Variants in PDCD7 observed in about 807,000 individuals in gnomAD.
PDCD7 encodes the protein programmed cell death protein 7.
A neutral mutation model predicts 42.1 loss-of-function variants in PDCD7; 40 were observed. The ratio of observed to expected loss-of-function variants is 0.95; its 90% CI spans 0.74 to 1.24. PDCD7 has a LOEUF of 1.24. PDCD7 is among the 50% of genes most tolerant of loss of function. The pLI is 0.00. For missense variants in PDCD7, 644 were observed against 662.8 expected (o/e 0.97, Z 0.31); for synonymous variants, 299 against 303.3 (o/e 0.99, Z 0.15).
At chr15:65,127,386 A>G (rs965830417) in intron 2 of PDCD7, among the ~76,000 whole-genome samples, 5 of 150,096 alleles carry the variant, frequency 3.3e-5, no homozygotes, top group Non-Finnish European at 7.4e-5. Context: ...GAACCCGGGA[A>G]GCGGAGCTTG....
chr15:65,133,578 C>A lies in PDCD7; in HGVS notation c.204G>T (p.Ala68=), dbSNP rs986728100. The part of the protein sequence containing the change: ...PPLALQPRAS[A]EASRGGGGAG... The stretch of plus-strand genomic sequence containing the variant: ...CGCCGCCTCCGCCGCGGGAGGCCTC[C>A]GCGGAGGCTCGGGGCTGCAGAGCCA... The change falls in exon 1 of 5, where the codon GCG becomes GCT. Residue 68 remains alanine (A), a synonymous_variant. Coordinates refer to ENST00000204549, the MANE Select transcript of PDCD7 (RefSeq NM_005707.2). The A allele has an allele frequency of 8.1e-6, 10 of 1,231,598 alleles. No individual in the cohort carries two copies. In the African/African-American group the frequency reaches 9.3e-5, roughly 11 times the overall value. 76.3% of individuals were successfully genotyped at this position (1,231,598 alleles called of 1,614,324 possible). A position where few individuals can be genotyped will look rare whatever the true frequency, so the allele number is the denominator to read the frequency against.
chr15:65,132,638 G>A (rs1309956173), intron 1 of PDCD7, among the ~76,000 whole-genome samples: 12 of 152,208 alleles, frequency 7.9e-5, no homozygotes, highest in African/African-American at 2.9e-4. Flanking sequence ...GGACAATGTT[G>A]GAGCAGGATA....
chr15:65,132,091 C>CATGT (rs1555410882), intron 1 of PDCD7, among the ~76,000 whole-genome samples: 2 of 131,778 alleles, frequency 1.5e-5, no homozygotes, highest in Non-Finnish European at 3.2e-5. Flanking sequence ...TATACACATA[C>CATGT]ATATATGTAT....
In PDCD7 at chr15:65,118,585, A is replaced by G; in HGVS notation, c.*132T>C. On this transcript the variant is annotated 3_prime_UTR_variant, in exon 5 of 5. Coordinates refer to ENST00000204549, the MANE Select transcript of PDCD7 (RefSeq NM_005707.2). ...CCAGCACAGAGCACAGAAGGAAAGC[A>G]TAACTTCAGGGTAGGGGAATGCCAC... The G allele has an allele frequency of 1.1e-6, 1 of 920,930 alleles. No individual in the cohort carries two copies. Among genetic ancestry groups the G allele is most frequent in the Admixed American group, 3.5e-5 (1 of 28,518 alleles). 57.0% of individuals were successfully genotyped at this position (920,930 alleles called of 1,614,324 possible). A position where few individuals can be genotyped will look rare whatever the true frequency, so the allele number is the denominator to read the frequency against.
In PDCD7 at chr15:65,133,693, G is replaced by C; in HGVS notation, c.89C>G (p.Pro30Arg). The change falls in exon 1 of 5, where the codon CCG (proline) becomes CGG (arginine). Residue 30 changes from proline to arginine, a missense_variant. By Grantham distance (103) the Pro-to-Arg change is moderately radical. Transcript: ENST00000204549. ...CGGGAAAGCCGGGGAGGGCAGCGGC[G>C]GTGGCGGACAGCCGAAAGGAGCAGG... ...PPPAPFGCPP[P>R]PLPSPAFPPP... The C allele has an allele frequency of 1.6e-6, 2 of 1,278,670 alleles. No homozygotes were observed. Among genetic ancestry groups the C allele is most frequent in the Non-Finnish European group, 2.0e-6 (2 of 1,005,950 alleles). 79.2% of individuals were successfully genotyped at this position (1,278,670 alleles called of 1,614,324 possible).
intron 1 of PDCD7, among the ~76,000 whole-genome samples, chr15:65,132,119 T>C (rs1053541188): frequency 5.5e-5 from 3 of 54,594 alleles, no homozygotes; most frequent in African/African-American, 1.4e-4. Context: ...TATATGTATG[T>C]ATGTGTATAT....
In PDCD7 at chr15:65,133,220, G is replaced by C. The variant is rs2140589710; in HGVS notation, c.562C>G (p.Leu188Val). The change falls in exon 1 of 5, where the codon CTG (leucine) becomes GTG (valine). Residue 188 changes from leucine (L) to valine (V), a missense_variant. Leu to Val is a conservative substitution (Grantham distance 32). Transcript: ENST00000204549. Reference protein sequence around the residue: ...LLRALRLVRRLRGLSQALREA... With the variant: ...LLRALRLVRRVRGLSQALREA... ...CGCAGGGCCTGGCTCAGGCCGCGCAGCCGCCGCACCAGGCGCAGAGCCCGG... is the reference window on the plus strand; with the variant it reads ...CGCAGGGCCTGGCTCAGGCCGCGCACCCGCCGCACCAGGCGCAGAGCCCGG... 7.2e-7 allele frequency: 1 copy of C among 1,380,940 alleles called. No homozygotes were observed. The highest frequency in any genetic ancestry group is 1.7e-5 in the South Asian group (1 of 59,718). The allele number at this position is 1,380,940 out of a possible 1,614,324, so 85.5% of individuals were successfully genotyped here.
At chr15:65,119,118 A>T (rs1339619123) in intron 4 of PDCD7, 1 of 490,408 alleles carries the variant, frequency 2.0e-6, no homozygotes, top group Non-Finnish European at 3.6e-6. Context: ...GCCTACTAAC[A>T]CAGGGCAAGT....
In PDCD7 at chr15:65,133,188, G is replaced by A. The variant is rs1407378956; in HGVS notation, c.594C>T (p.Ala198=). ...LRGLSQALRE[A]EADGAAWVLL... is the part of the protein sequence containing the mutation. ...GGACCCAGGCCGCGCCGTCGGCTTC[G>A]GCCTCGCGCAGGGCCTGGCTCAGGC... The change falls in exon 1 of 5, where the codon GCC becomes GCT. Residue 198 remains alanine, a synonymous_variant. Transcript: ENST00000204549. 1 of 1,443,824 alleles carries A rather than the reference G, an allele frequency of 6.9e-7. No homozygotes were observed. The highest frequency in any genetic ancestry group is 2.8e-5 in the Admixed American group (1 of 35,236). 89.4% of individuals were successfully genotyped at this position (1,443,824 alleles called of 1,614,324 possible). A position where few individuals can be genotyped will look rare whatever the true frequency, so the allele number is the denominator to read the frequency against.
At chr15:65,130,058 G>A (rs1013881081) in intron 1 of PDCD7, among the ~76,000 whole-genome samples, 21 of 150,422 alleles carry the variant, frequency 1.4e-4, no homozygotes, top group African/African-American at 5.1e-4. Flanking sequence ...TGCCCAGGCT[G>A]GTCTGGAACT....
Position 65,118,762 on chromosome 15 carries a change from CG to C in PDCD7, c.1412del (p.Pro471ArgfsTer32), listed in dbSNP as rs1566971045. On this transcript the variant is annotated frameshift_variant, in exon 5 of 5. Transcript: ENST00000204549. LOFTEE classifies it high-confidence loss of function. ...TTGCCCAGATGTCGTTGCTGGGGAGCGGGGGAAGGACCCATCCTTGGGGAAC... is the reference window on the plus strand; with the variant it reads ...TTGCCCAGATGTCGTTGCTGGGGAGCGGGGAAGGACCCATCCTTGGGGAAC... ...NFVPQGWVLP[P>X]LPSNDIWATA... is the part of the protein sequence containing the mutation. The C allele has an allele frequency of 3.1e-6, 5 of 1,608,510 alleles. No homozygotes were observed. Among genetic ancestry groups the C allele is most frequent in the Admixed American group, 1.7e-5 (1 of 59,318 alleles).
chr15:65,126,907 T>C (rs1197822341), intron 2 of PDCD7, among the ~76,000 whole-genome samples: 2 of 152,184 alleles, frequency 1.3e-5, no homozygotes, highest in African/African-American at 2.4e-5. Flanking sequence ...TATACACATA[T>C]ACCTTTATTC....
Position 65,133,265 on chromosome 15 carries a change from C to T in PDCD7, c.517G>A (p.Glu173Lys). 6.7e-6 allele frequency: 9 copies of T among 1,335,252 alleles called. No homozygotes were observed. The highest frequency in any genetic ancestry group is 8.6e-6 in the Non-Finnish European group (9 of 1,050,430). 82.7% of individuals were successfully genotyped at this position (1,335,252 alleles called of 1,614,324 possible). Residue 173 changes from glutamate (E) to lysine (K), a missense_variant, in exon 1 of 5, where the codon GAA becomes AAA. Transcript: ENST00000204549. ...QRTHAGPSLG[E>K]VRARLLRALR... Reference sequence around the variant, plus strand: ...GCCCGGAGCAATCGCGCGCGCACTTCGCCAAGGCTGGGCCCGGCATGCGTG... The same window carrying T: ...GCCCGGAGCAATCGCGCGCGCACTTTGCCAAGGCTGGGCCCGGCATGCGTG...
Position 65,118,659 on chromosome 15 carries a change from C to T in PDCD7, c.*58G>A, listed in dbSNP as rs534468899. 8.7e-6 allele frequency: 13 copies of T among 1,492,648 alleles called. No individual in the cohort carries two copies. The highest frequency in any genetic ancestry group is 2.8e-5 in the South Asian group (2 of 70,520). The allele number at this position is 1,492,648 out of a possible 1,614,324, so 92.5% of individuals were successfully genotyped here. A position where few individuals can be genotyped will look rare whatever the true frequency, so the allele number is the denominator to read the frequency against. ...AGTCTACAGCAAAAGATGGCACCAT[C>T]GCTAATATTTACAGCTGGAAAGAGC... is the stretch of plus-strand genomic sequence containing the variant. On this transcript the variant is annotated 3_prime_UTR_variant, in exon 5 of 5. Coordinates refer to ENST00000204549, the MANE Select transcript of PDCD7 (RefSeq NM_005707.2).
chr15:65,118,248 CT>C lies in PDCD7; in HGVS notation c.*468del. 6.5e-6 allele frequency: 1 copy of C among 152,704 alleles called. No individual in the cohort carries two copies. The highest frequency in any genetic ancestry group is 1.5e-5 in the Non-Finnish European group (1 of 68,324). 9.5% of individuals were successfully genotyped at this position (152,704 alleles called of 1,614,324 possible). On this transcript the variant is annotated 3_prime_UTR_variant, in exon 5 of 5. Transcript: ENST00000204549. The stretch of plus-strand genomic sequence containing the variant: ...ACTGAAGATAACATTTTTGACCTTT[CT>C]TCCTAGAAGTCAAAGGGCTCTTCAG...
chr15:65,122,942 C>T (rs2087468614), intron 2 of PDCD7, among the ~76,000 whole-genome samples: 1 of 150,526 alleles, frequency 6.6e-6, no homozygotes, highest in Non-Finnish European at 1.5e-5. Context: ...GCGGGGCTTA[C>T]AGTGAGCCGA....
intron 3 of PDCD7, 75 bp from the exon 4 acceptor site, chr15:65,119,538 G>C (rs2087435158): frequency 1.6e-6 from 2 of 1,260,736 alleles, no homozygotes; most frequent in South Asian, 2.4e-5. Context: ...AGGTGACTGA[G>C]CCTATGATTA....
At position 65,119,502 on chromosome 15, in the gene PDCD7, A is replaced by G. The variant is rs1471497719; in HGVS notation, c.1247-39T>C. On this transcript the variant is annotated intron_variant, in intron 3 of 4. Transcript: ENST00000204549. The stretch of plus-strand genomic sequence containing the variant: ...GCACAATACCACGTTATCATGCTTG[A>G]TATCCACAGTGTATTTCTCAAGGCA... The G allele has an allele frequency of 2.8e-6, 4 of 1,425,016 alleles. No homozygotes were observed. In the African/African-American group the frequency reaches 5.6e-5, roughly 20 times the overall value. 88.3% of individuals were successfully genotyped at this position (1,425,016 alleles called of 1,614,324 possible). A position where few individuals can be genotyped will look rare whatever the true frequency, so the allele number is the denominator to read the frequency against.
At chr15:65,129,828 G>A (rs554002053) in intron 1 of PDCD7, among the ~76,000 whole-genome samples, 35 of 151,842 alleles carry the variant, frequency 2.3e-4, no homozygotes, top group African/African-American at 7.7e-4. Context: ...GCTAAGGCGA[G>A]AGGATCACTT....
Sources: gnomAD v4.1 joint callset for allele counts (sites outside exome capture counted in the v4.1 genomes callset) on GRCh38, gnomAD v4.1.1 for gene constraint, MANE v1.5 for transcripts, NCBI Gene and HGNC (gene_info 2026-07-23, HGNC 2026-07-21) for gene names.